The following OTUD7A variants were observed in gnomAD, a reference collection of about 807,000 sequenced individuals.
OTUD7A encodes the protein OTU domain-containing protein 7A.
Under a neutral mutation model 65.7 loss-of-function variants are expected in OTUD7A, and 12 were observed. That is an observed-to-expected ratio of 0.18 (90% confidence interval 0.12 to 0.30). The LOEUF (loss-of-function observed/expected upper bound fraction) is 0.30. Among genes scored for constraint, OTUD7A ranks in the 10% least tolerant of loss-of-function variants. The pLI, the probability that OTUD7A is intolerant of heterozygous loss-of-function variation, is 1.00. For missense variants in OTUD7A, 1,148 were observed against 1,304.8 expected, an observed-to-expected ratio of 0.88 and a Z score of 1.85; for synonymous variants, 641 against 586.3, an observed-to-expected ratio of 1.09 and a Z score of -1.35.
At chr15:31,693,244 CTCT>C (rs1892998089) in intron 1 of OTUD7A, among the ~76,000 whole-genome samples, 1 of 152,230 alleles carries the variant, frequency 6.6e-6, no homozygotes, top group South Asian at 2.1e-4. Context: ...AGAGGAGAGT[CTCT>C]TTTTTTTGTA....
chr15:31,753,121 C>T (rs1894683457), intron 1 of OTUD7A, among the ~76,000 whole-genome samples: 1 of 152,092 alleles, frequency 6.6e-6, no homozygotes, highest in Non-Finnish European at 1.5e-5. Flanking sequence ...ACTAATGGCG[C>T]AGTTTGATGC....
intron 3 of OTUD7A, among the ~76,000 whole-genome samples, chr15:31,597,736 C>T (rs1226780057): frequency 6.6e-6 from 1 of 152,134 alleles, no homozygotes; most frequent in Non-Finnish European, 1.5e-5. Flanking sequence ...TCCAGCAGTA[C>T]CCCACCCTGC....
At chr15:31,515,918 C>T (rs2041845178) in intron 8 of OTUD7A, among the ~76,000 whole-genome samples, 1 of 151,122 alleles carries the variant, frequency 6.6e-6, no homozygotes, top group African/African-American at 2.4e-5. Context: ...GTCCATCCAC[C>T]CACATGTACC....
intron 3 of OTUD7A, among the ~76,000 whole-genome samples, chr15:31,627,472 T>C (rs907194366): frequency 1.3e-5 from 2 of 152,174 alleles, no homozygotes; most frequent in Non-Finnish European, 2.9e-5. Flanking sequence ...TACCACATTT[T>C]CTTAATCCAG....
chr15:31,845,287 C>CA (rs1897271469), intron 1 of OTUD7A, among the ~76,000 whole-genome samples: 2 of 152,200 alleles, frequency 1.3e-5, no homozygotes, highest in Non-Finnish European at 2.9e-5. Flanking sequence ...TGTCCTGTAC[C>CA]TCTCCATCTC....
At chr15:31,628,552 C>T (rs1891037865) in intron 3 of OTUD7A, among the ~76,000 whole-genome samples, 1 of 152,016 alleles carries the variant, frequency 6.6e-6, no homozygotes, top group Non-Finnish European at 1.5e-5. Flanking sequence ...GTTCTTTTGG[C>T]TTAGGATTGA....
chr15:31,788,310 T>G (rs1446624422), intron 1 of OTUD7A, among the ~76,000 whole-genome samples: 1 of 152,160 alleles, frequency 6.6e-6, no homozygotes, highest in East Asian at 1.9e-4. Context: ...AACCCACAAG[T>G]TAGCATAAGC....
chr15:31,631,100 A>T (rs1891134768), intron 3 of OTUD7A, among the ~76,000 whole-genome samples: 1 of 150,696 alleles, frequency 6.6e-6, no homozygotes, highest in Non-Finnish European at 1.5e-5. Flanking sequence ...TAAAGTTAAT[A>T]TTGTTATGTG....
At chr15:31,804,135 C>T (rs1362644446) in intron 1 of OTUD7A, among the ~76,000 whole-genome samples, 1 of 152,208 alleles carries the variant, frequency 6.6e-6, no homozygotes, top group East Asian at 1.9e-4. Flanking sequence ...CCTAACTCTT[C>T]AGGATGGCTT....
Position 31,618,589 on chromosome 15 carries a change from G to C in OTUD7A, c.151+36507C>G, listed in dbSNP as rs557187648. Among the ~76,000 whole-genome samples the C allele has an allele frequency of 1.4e-4, 21 of 152,248 alleles. No individual in the cohort carries two copies. The East Asian group carries it at 3.9e-3, about 28-fold the overall frequency. On this transcript the variant is annotated intron_variant, in intron 3 of 12. Transcript: ENST00000307050. Reference sequence around the variant, plus strand: ...GCATAAATGTCTTCTTTTGAGAAGCGTCTGTTCATATCCTTTGCCCACTTG... The same window carrying C: ...GCATAAATGTCTTCTTTTGAGAAGCCTCTGTTCATATCCTTTGCCCACTTG...
chr15:31,657,417 C>T (rs369317455), intron 1 of OTUD7A, among the ~76,000 whole-genome samples: 4 of 151,488 alleles, frequency 2.6e-5, no homozygotes, highest in East Asian at 1.9e-4. Flanking sequence ...AGTGCAGTGG[C>T]GCGATCTCGG....
intron 5 of OTUD7A, among the ~76,000 whole-genome samples, chr15:31,553,771 C>T (rs1888402960): frequency 6.6e-6 from 1 of 152,062 alleles, no homozygotes; most frequent in South Asian, 2.1e-4. Context: ...ACCTGCACTA[C>T]CACCCCCACG....
At chr15:31,494,553 T>G (rs1375369815) in intron 10 of OTUD7A, among the ~76,000 whole-genome samples, 1 of 152,238 alleles carries the variant, frequency 6.6e-6, no homozygotes, top group Non-Finnish European at 1.5e-5. Flanking sequence ...TTAAGGAAAC[T>G]GTACTGCTGA....
intron 1 of OTUD7A, among the ~76,000 whole-genome samples, chr15:31,821,143 T>TTC (rs1383027701): frequency 7.0e-6 from 1 of 142,844 alleles, no homozygotes; most frequent in Non-Finnish European, 1.5e-5. Context: ...CTTTTTTTTT[T>TTC]TTTTTTTTTT....
intron 3 of OTUD7A, among the ~76,000 whole-genome samples, chr15:31,577,372 C>T (rs1889233432): frequency 6.6e-6 from 1 of 152,194 alleles, no homozygotes; most frequent in African/African-American, 2.4e-5. Context: ...TTTCTTTCTA[C>T]TGACTTCAAA....
intron 1 of OTUD7A, among the ~76,000 whole-genome samples, chr15:31,710,714 C>G (rs559528872): frequency 1.3e-5 from 2 of 152,414 alleles, no homozygotes; most frequent in African/African-American, 4.8e-5. Flanking sequence ...GATTTTCTGT[C>G]TGGAAGAGCT....
intron 1 of OTUD7A, among the ~76,000 whole-genome samples, chr15:31,696,084 T>A (rs71399715): frequency 0.013 from 1,847 of 146,728 alleles, no homozygotes; most frequent in African/African-American, 0.047. Flanking sequence ...GAGTCCCCTG[T>A]GCAGGGGGTT....
intron 1 of OTUD7A, among the ~76,000 whole-genome samples, chr15:31,747,437 G>A (rs1894510570): frequency 6.6e-6 from 1 of 152,306 alleles, no homozygotes; most frequent in East Asian, 1.9e-4. Flanking sequence ...CAGAAAGGAA[G>A]GAGGTGTTGA....
intron 1 of OTUD7A, among the ~76,000 whole-genome samples, chr15:31,830,096 C>T (rs373940897): frequency 1.3e-5 from 2 of 152,162 alleles, no homozygotes; most frequent in African/African-American, 2.4e-5. Flanking sequence ...GCTGCTTGCT[C>T]GAGTCCAAGC....
Sources: allele counts gnomAD v4.1 joint callset (sites outside exome capture counted in the v4.1 genomes callset), GRCh38; gene constraint gnomAD v4.1.1; transcripts MANE v1.5; gene names NCBI Gene and HGNC (gene_info 2026-07-23, HGNC 2026-07-21).